PEX14: variants seen among roughly 807,000 people sequenced by gnomAD.
The protein encoded by PEX14 is peroxisomal biogenesis factor 14, also known as peroxisomal membrane protein PEX14.
PEX14 carries 15 observed loss-of-function variants against 49.5 expected under a neutral mutation model. The observed-to-expected ratio is 0.30, with a 90% CI of 0.20 to 0.47. The LOEUF is 0.47. Among genes scored for constraint, PEX14 ranks in the 20% least tolerant of loss-of-function variants. The pLI, the probability that PEX14 is intolerant of heterozygous loss-of-function variation, is 1.00. For missense variants in PEX14, 398 were observed against 494.8 expected (o/e 0.80, Z 1.86); for synonymous variants, 210 against 212.7 (o/e 0.99, Z 0.11).
At chr1:10,612,801 T>C (rs1047805189) in intron 4 of PEX14, among the ~76,000 whole-genome samples, 2 of 152,344 alleles carry the variant, frequency 1.3e-5, no homozygotes, top group African/African-American at 4.8e-5. Context: ...AGTGAGCCTG[T>C]CTTGTCATTT....
chr1:10,475,812 A>G (rs187485456), intron 1 of PEX14, among the ~76,000 whole-genome samples: 108 of 152,372 alleles, frequency 7.1e-4, no homozygotes, highest in Admixed American at 2.0e-3. Flanking sequence ...GAGACATCTT[A>G]CATTTAACTG....
intron 4 of PEX14, among the ~76,000 whole-genome samples, chr1:10,615,614 C>T (rs529121912): frequency 2.0e-5 from 3 of 152,356 alleles, no homozygotes; most frequent in African/African-American, 7.2e-5. Flanking sequence ...TGCAAATGCA[C>T]ACGCCCTGGG....
intron 2 of PEX14, among the ~76,000 whole-genome samples, chr1:10,527,696 CAG>C (rs1638531006): frequency 6.6e-6 from 1 of 151,296 alleles, no homozygotes; most frequent in Admixed American, 6.6e-5. Context: ...GTTTCCAAGA[CAG>C]AGTCTCACTC....
intron 4 of PEX14, chr1:10,617,129 A>G (rs1254775867): frequency 6.6e-6 from 1 of 152,096 alleles, no homozygotes; most frequent in Non-Finnish European, 1.5e-5. Context: ...AAGATTACTT[A>G]ATACAAATAA....
intron 3 of PEX14, among the ~76,000 whole-genome samples, chr1:10,566,545 A>T (rs1028376399): frequency 9.9e-5 from 15 of 151,492 alleles, no homozygotes; most frequent in Admixed American, 9.2e-4. Context: ...TTGGAGTGCA[A>T]TGGCATGATC....
intron 3 of PEX14, among the ~76,000 whole-genome samples, chr1:10,571,108 C>T (rs1204454376): frequency 2.7e-5 from 4 of 149,582 alleles, no homozygotes; most frequent in Non-Finnish European, 5.9e-5. Flanking sequence ...CCTCCCACCT[C>T]GGCCTCCCAA....
chr1:10,528,774 G>A (rs528939318), intron 2 of PEX14, among the ~76,000 whole-genome samples: 5 of 152,270 alleles, frequency 3.3e-5, no homozygotes, highest in African/African-American at 1.2e-4. Flanking sequence ...GGTATCTCTT[G>A]GGATCGAGCA....
In PEX14 at chr1:10,613,308, T is replaced by C. The variant is rs944157161; in HGVS notation, c.299-5024T>C. On this transcript the variant is annotated intron_variant, in intron 4 of 8. Transcript: ENST00000356607. This position sits in a 1 kb window ranked among gnomAD's most constrained non-coding sequence, Gnocchi z 5.0. ...TGGTGTTCAGTGAATAGTTAGGAGCTGTGGGGATGCACCTCTCCTGCCCCC... is the reference window on the plus strand; with the variant it reads ...TGGTGTTCAGTGAATAGTTAGGAGCCGTGGGGATGCACCTCTCCTGCCCCC... Among the ~76,000 whole-genome samples, 2 of 152,192 alleles carry C rather than the reference T, an allele frequency of 1.3e-5. No homozygotes were observed. The highest frequency in any genetic ancestry group is 3.8e-4 in the East Asian group (2 of 5,200).
intron 2 of PEX14, among the ~76,000 whole-genome samples, chr1:10,502,895 T>C (rs1298246429): frequency 6.6e-6 from 1 of 150,646 alleles, no homozygotes; most frequent in African/African-American, 2.4e-5. Context: ...CCTCTTGGGC[T>C]CAGGTGATTC....
chr1:10,504,161 A>C (rs1641737513), intron 2 of PEX14, among the ~76,000 whole-genome samples: 1 of 152,352 alleles, frequency 6.6e-6, no homozygotes, highest in South Asian at 2.1e-4. Context: ...CCGCAGGAAG[A>C]TAAAGTGGTG....
At chr1:10,622,267 C>T (rs1394396028) in intron 5 of PEX14, among the ~76,000 whole-genome samples, 1 of 152,196 alleles carries the variant, frequency 6.6e-6, no homozygotes, top group Non-Finnish European at 1.5e-5. Flanking sequence ...CTTTCTTTTT[C>T]CCCAGAGCCA....
At chr1:10,589,741 T>G (rs1482685134) in intron 3 of PEX14, among the ~76,000 whole-genome samples, 1 of 152,210 alleles carries the variant, frequency 6.6e-6, no homozygotes, top group African/African-American at 2.4e-5. Context: ...CTACATTATT[T>G]TATTATTTCT....
rs765354583 is a variant in PEX14, at chr1:10,629,979, C to G, written c.1126C>G (p.Arg376Gly). 1.6e-5 allele frequency: 25 copies of G among 1,609,064 alleles called. 2 individuals carry two copies. The South Asian group carries it at 2.6e-4, about 17-fold the overall frequency. The change falls in exon 9 of 9, where the codon CGG becomes GGG. Residue 376 changes from arginine to glycine, a missense_variant. Physicochemically the swap from Arg to Gly is moderately radical, Grantham distance 125. Around this residue, in one of 3 missense-constraint regions of PEX14, gnomAD observed 140 missense variants for 155.5 expected, o/e 0.90. Coordinates refer to ENST00000356607, the MANE Select transcript of PEX14 (RefSeq NM_004565.3). This position sits in a 1 kb window ranked among gnomAD's most constrained non-coding sequence, Gnocchi z 8.5. ...CGAGGGCGCCAGCAACGAGAGTGAG[C>G]GGGACTAGGGCTGCGCCTGCTGCCT... ...RPEGASNESE[R>G]D
chr1:10,481,943 C>A (rs1245175684), intron 1 of PEX14, among the ~76,000 whole-genome samples: 1 of 151,170 alleles, frequency 6.6e-6, no homozygotes, highest in Non-Finnish European at 1.5e-5. Context: ...TACCTCAGCT[C>A]CCCTGGTAGC....
intron 1 of PEX14, among the ~76,000 whole-genome samples, chr1:10,483,222 C>T (rs571394889): frequency 4.6e-4 from 70 of 152,312 alleles, no homozygotes; most frequent in African/African-American, 1.6e-3. Flanking sequence ...GTGGCACAGT[C>T]ATGGCTCGCT....
chr1:10,514,085 A>C lies in PEX14; in HGVS notation c.84+18764A>C, dbSNP rs1190183625. On this transcript the variant is annotated intron_variant, in intron 2 of 8. Transcript: ENST00000356607. The surrounding 1 kb of genome is among the most constrained non-coding windows in gnomAD (Gnocchi z 4.4). ...TTAAAGAATGGTAATGAGTAGCCAAAAAAGAAAAAAAGAAGAAAGAAAAGA... is the reference window on the plus strand; with the variant it reads ...TTAAAGAATGGTAATGAGTAGCCAACAAAGAAAAAAAGAAGAAAGAAAAGA... 1.3e-5 allele frequency among the ~76,000 whole-genome samples: 2 copies of C among 151,496 alleles called. No homozygotes were observed. Among genetic ancestry groups the C allele is most frequent in the South Asian group, 2.1e-4 (1 of 4,776 alleles).
In PEX14 at chr1:10,539,671, A is replaced by C. The variant is rs1638944556; in HGVS notation, c.169+3374A>C. 6.6e-6 allele frequency among the ~76,000 whole-genome samples: 1 copy of C among 152,170 alleles called. No homozygotes were observed. Among genetic ancestry groups the C allele is most frequent in the African/African-American group, 2.4e-5 (1 of 41,434 alleles). On this transcript the variant is annotated intron_variant, in intron 3 of 8. Transcript: ENST00000356607. This position sits in a 1 kb window ranked among gnomAD's most constrained non-coding sequence, Gnocchi z 4.6. ...TAAGCAGGCTGCAATCCAGGAGGTT[A>C]GAGTAACGTAAAAACAGCAATAGAA...
chr1:10,565,488 T>G (rs575383427), intron 3 of PEX14, among the ~76,000 whole-genome samples: 3 of 152,226 alleles, frequency 2.0e-5, no homozygotes, highest in Non-Finnish European at 4.4e-5. Flanking sequence ...AATTTTTGTT[T>G]ACTGCTGTTG....
intron 7 of PEX14, among the ~76,000 whole-genome samples, chr1:10,625,549 CCAAA>C (rs1292538607): frequency 1.3e-5 from 2 of 152,210 alleles, no homozygotes; most frequent in Non-Finnish European, 2.9e-5. Context: ...CCCTGGATAT[CCAAA>C]CCACACACAG....
Sources: allele counts gnomAD v4.1 joint callset (sites outside exome capture counted in the v4.1 genomes callset), GRCh38; gene constraint gnomAD v4.1.1; regional missense constraint gnomAD v4.1.1; non-coding constraint Gnocchi (gnomAD v3.1); transcripts MANE v1.5; gene names NCBI Gene and HGNC (gene_info 2026-07-23, HGNC 2026-07-21).